The following RIT2 variants were observed in gnomAD, a reference collection of about 807,000 sequenced individuals.
RIT2 encodes Ras like without CAAX 2.
RIT2 carries 24 observed loss-of-function variants against 23.7 expected under a neutral mutation model. The ratio of observed to expected loss-of-function variants is 1.01; its 90% CI spans 0.73 to 1.43. The LOEUF (loss-of-function observed/expected upper bound fraction) is 1.43, where lower values mean the gene tolerates loss of function less well. RIT2 is among the 40% of genes most tolerant of loss of function. The probability of loss-of-function intolerance (pLI) is 0.00; values close to 1 mark genes in which losing one functional copy is unlikely to be tolerated. For missense variants in RIT2, 236 were observed against 266.9 expected (o/e 0.88, Z 0.81); for synonymous variants, 107 against 91.1 (o/e 1.17, Z -0.99).
At chr18:43,008,866 T>A (rs967067695) in intron 2 of RIT2, among the ~76,000 whole-genome samples, 17 of 151,640 alleles carry the variant, frequency 1.1e-4, no homozygotes, top group Non-Finnish European at 2.5e-4. Context: ...ACACAAAAGA[T>A]TCAGAAATTT....
intron 4 of RIT2, among the ~76,000 whole-genome samples, chr18:42,837,457 A>T (rs1906647040): frequency 1.4e-5 from 2 of 144,778 alleles, no homozygotes. Flanking sequence ...ATGAGCCACC[A>T]CACCTGGCCT....
intron 1 of RIT2, among the ~76,000 whole-genome samples, chr18:43,040,182 C>T (rs1341113184): frequency 6.6e-6 from 1 of 151,918 alleles, no homozygotes; most frequent in South Asian, 2.1e-4. Context: ...TAGGTGGAAC[C>T]CTTCAAATAT....
chr18:42,816,731 T>C (rs1205883801), intron 4 of RIT2, among the ~76,000 whole-genome samples: 1 of 152,120 alleles, frequency 6.6e-6, no homozygotes, highest in Non-Finnish European at 1.5e-5. Context: ...TAATTAGTTT[T>C]CAAAAGGCTG....
intron 4 of RIT2, among the ~76,000 whole-genome samples, chr18:42,862,904 A>G (rs1038560464): frequency 6.6e-6 from 1 of 152,154 alleles, no homozygotes; most frequent in African/African-American, 2.4e-5. Context: ...AACTTTTTAT[A>G]TTTTCACTGT....
chr18:43,013,239 A>C (rs1236755440), intron 2 of RIT2, among the ~76,000 whole-genome samples: 2 of 151,926 alleles, frequency 1.3e-5, no homozygotes, highest in African/African-American at 4.8e-5. Flanking sequence ...TTTGTTTAAA[A>C]ATTGTTATAG....
chr18:42,746,235 C>T (rs933618468), intron 4 of RIT2, among the ~76,000 whole-genome samples: 1 of 152,066 alleles, frequency 6.6e-6, no homozygotes, highest in Non-Finnish European at 1.5e-5. Flanking sequence ...GACATATGCT[C>T]AACTCACATT....
chr18:43,092,433 T>C (rs1255469205), intron 1 of RIT2, among the ~76,000 whole-genome samples: 2 of 152,120 alleles, frequency 1.3e-5, no homozygotes, highest in East Asian at 1.9e-4. Flanking sequence ...TTTTATTCCC[T>C]AAAATCTATT....
intron 4 of RIT2, among the ~76,000 whole-genome samples, chr18:42,781,428 A>C (rs959523363): frequency 6.6e-6 from 1 of 152,130 alleles, no homozygotes; most frequent in African/African-American, 2.4e-5. Flanking sequence ...AAAGCAAAGG[A>C]GAGAAAACCT....
At chr18:42,776,913 T>A (rs1913685438) in intron 4 of RIT2, among the ~76,000 whole-genome samples, 1 of 152,084 alleles carries the variant, frequency 6.6e-6, no homozygotes, top group Non-Finnish European at 1.5e-5. Flanking sequence ...AGAATAGACT[T>A]TAGAAAGTCT....
At chr18:43,096,758 T>A (rs1913564038) in intron 1 of RIT2, among the ~76,000 whole-genome samples, 1 of 151,940 alleles carries the variant, frequency 6.6e-6, no homozygotes, top group Non-Finnish European at 1.5e-5. Flanking sequence ...TAGGTTATTT[T>A]TTTAATATGT....
Position 43,085,082 on chromosome 18 carries a change from G to A in RIT2, c.103+30335C>T, listed in dbSNP as rs1336455759. On this transcript the variant is annotated intron_variant, in intron 1 of 4. Coordinates refer to ENST00000326695, the MANE Select transcript of RIT2 (RefSeq NM_002930.4). ...GAAGGAAGCGGGAGGCTTTTTTGAG[G>A]AAATGCTGTAGTGGCTTTGCAGAAT... Among the ~76,000 whole-genome samples the A allele has an allele frequency of 4.0e-5, 6 of 151,870 alleles. No homozygotes were observed. The East Asian group carries it at 1.2e-3, about 29-fold the overall frequency.
intron 4 of RIT2, among the ~76,000 whole-genome samples, chr18:42,918,698 A>T (rs1908976778): frequency 6.6e-6 from 1 of 152,172 alleles, no homozygotes; most frequent in Non-Finnish European, 1.5e-5. Context: ...CAAGGGAGAC[A>T]CTATGAAATT....
chr18:42,854,239 C>A (rs994142488), intron 4 of RIT2, among the ~76,000 whole-genome samples: 1 of 152,022 alleles, frequency 6.6e-6, no homozygotes, highest in African/African-American at 2.4e-5. Flanking sequence ...AATATGTTTC[C>A]CAATTCTCCA....
intron 4 of RIT2, among the ~76,000 whole-genome samples, chr18:42,828,003 C>CAAAAAA (rs200737336): frequency 1.1e-3 from 57 of 51,588 alleles, no homozygotes; most frequent in African/African-American, 2.1e-3. Context: ...GACTCCGTCT[C>CAAAAAA]AAAAAAAAAA....
intron 4 of RIT2, among the ~76,000 whole-genome samples, chr18:42,862,249 G>A (rs1244866151): frequency 1.3e-5 from 2 of 151,856 alleles, no homozygotes; most frequent in African/African-American, 4.8e-5. Flanking sequence ...TTTAAAAGTG[G>A]CACTTCTCCC....
At chr18:42,888,166 G>C (rs1355023411) in intron 4 of RIT2, among the ~76,000 whole-genome samples, 1 of 151,744 alleles carries the variant, frequency 6.6e-6, no homozygotes, top group Non-Finnish European at 1.5e-5. Context: ...GGGTGGTAAT[G>C]GTGAATTAAT....
intron 4 of RIT2, among the ~76,000 whole-genome samples, chr18:42,784,515 C>T (rs969873839): frequency 2.6e-5 from 4 of 152,020 alleles, no homozygotes; most frequent in African/African-American, 4.8e-5. Context: ...TTCCAACATG[C>T]TTTACATGGT....
rs1374618354 is a variant in RIT2, at chr18:43,107,116, G to A, written c.103+8301C>T. 2.0e-5 allele frequency among the ~76,000 whole-genome samples: 3 copies of A among 152,344 alleles called. No homozygotes were observed. The East Asian group carries it at 5.8e-4, about 29-fold the overall frequency. On this transcript the variant is annotated intron_variant, in intron 1 of 4. Transcript: ENST00000326695. ...CAGAAATAATCGGTCATAGGCAGCA[G>A]GTTGATCTCCAGTGAGATTTTATGC... is the stretch of plus-strand genomic sequence containing the variant.
chr18:43,067,806 T>C (rs557134180), intron 1 of RIT2, among the ~76,000 whole-genome samples: 1 of 151,514 alleles, frequency 6.6e-6, no homozygotes, highest in South Asian at 2.1e-4. Flanking sequence ...GAGGTATGTC[T>C]GACCCCTTGT....
Sources: allele counts gnomAD v4.1 joint callset (sites outside exome capture counted in the v4.1 genomes callset), GRCh38; gene constraint gnomAD v4.1.1; transcripts MANE v1.5; gene names NCBI Gene and HGNC (gene_info 2026-07-23, HGNC 2026-07-21).